FBXW11: variants seen among roughly 807,000 people sequenced by gnomAD.
FBXW11 encodes F-box and WD repeat domain containing 11, also known as F-box/WD repeat-containing protein 11.
In FBXW11, 19 loss-of-function variants were observed where a neutral mutation model predicts 77.6. The ratio of observed to expected loss-of-function variants is 0.24; its 90% CI spans 0.17 to 0.36. The LOEUF is 0.36. Ranked by LOEUF, FBXW11 falls within the 10% of genes least tolerant of loss-of-function variation. The probability of loss-of-function intolerance (pLI) is 1.00; values close to 1 mark genes in which losing one functional copy is unlikely to be tolerated. For synonymous variants in FBXW11, 235 were observed against 249.4 expected, an observed-to-expected ratio of 0.94 and a Z score of 0.54; for missense variants, 334 against 704.2, an observed-to-expected ratio of 0.47 and a Z score of 5.95.
At chr5:171,901,768 T>C (rs796784017) in intron 4 of FBXW11, among the ~76,000 whole-genome samples, 14 of 152,200 alleles carry the variant, frequency 9.2e-5, no homozygotes, top group African/African-American at 3.4e-4. Flanking sequence ...GTTGGAAAGG[T>C]GGGGGGCAGC....
chr5:171,992,409 A>G (rs953462003), intron 1 of FBXW11, among the ~76,000 whole-genome samples: 1 of 152,062 alleles, frequency 6.6e-6, no homozygotes, highest in African/African-American at 2.4e-5. Flanking sequence ...CCTAGGTGAC[A>G]GAGTGAGACT....
chr5:171,948,234 C>CAAAAAA (rs765248373), intron 2 of FBXW11, among the ~76,000 whole-genome samples: 19 of 44,264 alleles, frequency 4.3e-4, no homozygotes, highest in Middle Eastern at 0.013. Flanking sequence ...GACTCCAACT[C>CAAAAAA]AAAAAAAAAA....
At chr5:171,978,799 C>T (rs907546616) in intron 1 of FBXW11, among the ~76,000 whole-genome samples, 4 of 152,214 alleles carry the variant, frequency 2.6e-5, no homozygotes, top group Admixed American at 6.5e-5. Flanking sequence ...CACCTAGAAG[C>T]AGCAGAGCAG....
rs1444563024 is a variant in FBXW11 at position 172,004,530 on chromosome 5, ACT to A, written c.45+1926_45+1927del. 2.0e-5 allele frequency among the ~76,000 whole-genome samples: 3 copies of A among 152,174 alleles called. No homozygotes were observed. In the South Asian group the frequency reaches 6.2e-4, roughly 32 times the overall value. The stretch of plus-strand genomic sequence containing the variant: ...TTATTTTTTTATTTTGTAACCATAC[ACT>A]GACTTGGGTTACAACGTATTTCTTA... On this transcript the variant is annotated intron_variant, in intron 1 of 13. Transcript: ENST00000517395.
chr5:171,965,301 G>A (rs1279919580), intron 1 of FBXW11, among the ~76,000 whole-genome samples: 1 of 152,198 alleles, frequency 6.6e-6, no homozygotes, highest in African/African-American at 2.4e-5. Flanking sequence ...CAAGGCAGGA[G>A]ATTACTTGAT....
chr5:171,873,475 T>A lies in FBXW11; in HGVS notation c.1222-485A>T, dbSNP rs948226573. Reference sequence around the variant, plus strand: ...GCCTGGGCAAAATAGTGAAACCCCATCTCTACAAAAAATAAAATTAGCTGG... The same window carrying A: ...GCCTGGGCAAAATAGTGAAACCCCAACTCTACAAAAAATAAAATTAGCTGG... On this transcript the variant is annotated intron_variant, in intron 9 of 13. Transcript: ENST00000517395. Among the ~76,000 whole-genome samples the A allele has an allele frequency of 3.6e-4, 55 of 152,190 alleles. 1 individual carries two copies. Among genetic ancestry groups the A allele is most frequent in the African/African-American group, 1.2e-3 (50 of 41,520 alleles).
At chr5:172,002,691 CTTTTCTTTTT>C (rs1561766993) in intron 1 of FBXW11, among the ~76,000 whole-genome samples, 1 of 122,892 alleles carries the variant, frequency 8.1e-6, no homozygotes, top group Non-Finnish European at 1.7e-5. Context: ...TTTCTTTTTT[CTTTTCTTTTT>C]TTTTTTTTTT....
At chr5:171,922,390 G>A (rs1306416053) in intron 2 of FBXW11, among the ~76,000 whole-genome samples, 2 of 152,140 alleles carry the variant, frequency 1.3e-5, no homozygotes, top group Non-Finnish European at 2.9e-5. Flanking sequence ...TTACCTACAC[G>A]TAGGCCCCTA....
chr5:171,887,136 T>C (rs1028643995), intron 7 of FBXW11, among the ~76,000 whole-genome samples: 1 of 152,196 alleles, frequency 6.6e-6, no homozygotes, highest in African/African-American at 2.4e-5. Context: ...TATATGCTAC[T>C]GTATCCTGTG....
chr5:171,875,248 TTTAAAAAAA>T (rs1474930389), intron 9 of FBXW11, among the ~76,000 whole-genome samples: 2 of 46,654 alleles, frequency 4.3e-5, no homozygotes, highest in African/African-American at 1.1e-4. Flanking sequence ...CATCTGTACT[TTTAAAAAAA>T]AAAAAAAAAA....
At chr5:171,929,333 G>GCACT (rs1762044666) in intron 2 of FBXW11, among the ~76,000 whole-genome samples, 1 of 152,028 alleles carries the variant, frequency 6.6e-6, no homozygotes, top group South Asian at 2.1e-4. Context: ...TCGCACCACT[G>GCACT]CACTACAGCC....
At chr5:171,936,534 C>T (rs1256702242) in intron 2 of FBXW11, among the ~76,000 whole-genome samples, 2 of 144,132 alleles carry the variant, frequency 1.4e-5, no homozygotes, top group Non-Finnish European at 3.0e-5. Flanking sequence ...AGAGGCATTA[C>T]AAAAATTATA....
intron 1 of FBXW11, among the ~76,000 whole-genome samples, chr5:172,005,916 T>C (rs1205166887): frequency 6.6e-6 from 1 of 150,866 alleles, no homozygotes. Flanking sequence ...ACCCGAAAGC[T>C]CCCTGCCCCC....
chr5:171,988,585 C>T (rs1041434175), intron 1 of FBXW11, among the ~76,000 whole-genome samples: 2 of 152,216 alleles, frequency 1.3e-5, no homozygotes, highest in Non-Finnish European at 1.5e-5. Flanking sequence ...TGGCTCACGC[C>T]TGTAATCGTA....
chr5:171,906,837 GCT>G (rs780576219), intron 4 of FBXW11, among the ~76,000 whole-genome samples: 3 of 152,068 alleles, frequency 2.0e-5, no homozygotes, highest in Non-Finnish European at 2.9e-5. Context: ...CCTTATCTAC[GCT>G]CTGTTTCTTC....
At chr5:171,892,761 T>C (rs1459737623) in intron 6 of FBXW11, among the ~76,000 whole-genome samples, 1 of 152,238 alleles carries the variant, frequency 6.6e-6, no homozygotes, top group Non-Finnish European at 1.5e-5. Context: ...AACTAAAGTC[T>C]GAATTCTTGA....
At chr5:171,877,901 C>T in intron 8 of FBXW11, 110 bp downstream of exon 8, 1 of 802,334 alleles carries the variant, frequency 1.2e-6, no homozygotes, top group Non-Finnish European at 2.1e-6. Flanking sequence ...GTTTGAAATA[C>T]AGCATGTAAA....
chr5:171,949,375 T>C (rs1763188431), intron 2 of FBXW11, among the ~76,000 whole-genome samples: 1 of 152,118 alleles, frequency 6.6e-6, no homozygotes, highest in African/African-American at 2.4e-5. Flanking sequence ...AGAAAGAATG[T>C]GCATCCCTAA....
intron 2 of FBXW11, among the ~76,000 whole-genome samples, chr5:171,936,950 A>G (rs1427790341): frequency 1.3e-5 from 2 of 152,230 alleles, no homozygotes; most frequent in East Asian, 3.8e-4. Context: ...CCTTCAATCA[A>G]TGTTATGGAA....
Sources: allele counts gnomAD v4.1 joint callset (sites outside exome capture counted in the v4.1 genomes callset), GRCh38; gene constraint gnomAD v4.1.1; transcripts MANE v1.5; gene names NCBI Gene and HGNC (gene_info 2026-07-23, HGNC 2026-07-21).